MIA2: variants seen among roughly 807,000 people sequenced by gnomAD.
The protein encoded by MIA2 is MIA SH3 domain ER export factor 2, also known as melanoma inhibitory activity protein 2.
A neutral mutation model predicts 167.8 loss-of-function variants in MIA2; 127 were observed. That is an observed-to-expected ratio of 0.76 (90% CI 0.66 to 0.88). The LOEUF is 0.88. Ranked by LOEUF, MIA2 falls within the 40% of genes least tolerant of loss-of-function variation. The probability of loss-of-function intolerance (pLI) is 0.00; values close to 1 mark genes in which losing one functional copy is unlikely to be tolerated. For synonymous variants in MIA2, 552 were observed against 541.9 expected, an observed-to-expected ratio of 1.02 and a Z score of -0.26; for missense variants, 1,690 against 1,624.7, an observed-to-expected ratio of 1.04 and a Z score of -0.69.
chr14:39,349,043 ACTAT>A, intron 28 of MIA2, 66 bp downstream of exon 28: 1 of 1,541,344 alleles, frequency 6.5e-7, no homozygotes, highest in Non-Finnish European at 8.9e-7. Context: ...ATTTAATTTT[ACTAT>A]CTGTTAATGT....
At chr14:39,359,731 T>C (rs187518703) in intron 23 of MIA2, among the ~76,000 whole-genome samples, 160 of 152,296 alleles carry the variant, frequency 1.1e-3, no homozygotes, top group African/African-American at 3.6e-3. Context: ...CTTGTGTCCA[T>C]TGATAGATGC....
chr14:39,246,966 G>A lies in MIA2; in HGVS notation c.392G>A (p.Ser131Asn). ...GVSYTFDNED[S>N]ELNGDYGENI... ...AGTTACACATTTGACAATGAAGATA[G>A]TGAATTAAACGGTGATTATGGTGAA... Residue 131 changes from serine (S) to asparagine (N), a missense_variant, in exon 4 of 29, where the codon AGT becomes AAT. Ser to Asn is a conservative substitution (Grantham distance 46). Coordinates refer to ENST00000640607, the MANE Select transcript of MIA2 (RefSeq NM_001329214.4). 2 of 1,537,204 alleles carry A rather than the reference G, an allele frequency of 1.3e-6. No individual in the cohort carries two copies. Among genetic ancestry groups the A allele is most frequent in the South Asian group, 1.3e-5 (1 of 75,938 alleles).
At chr14:39,386,670 A>T in intron 23 of MIA2, 1 of 1,097,582 alleles carries the variant, frequency 9.1e-7, no homozygotes, top group Non-Finnish European at 1.4e-6. Flanking sequence ...CAGATCAAAG[A>T]CCTTCTCATT....
chr14:39,370,539 T>C, intron 23 of MIA2: 2 of 363,434 alleles, frequency 5.5e-6, no homozygotes, highest in East Asian at 8.5e-5. Flanking sequence ...GACTGCGCAG[T>C]TGTAGGATAT....
intron 23 of MIA2, among the ~76,000 whole-genome samples, chr14:39,384,145 C>G (rs534775742): frequency 4.6e-5 from 7 of 152,324 alleles, no homozygotes; most frequent in African/African-American, 1.7e-4. Context: ...GGCAGACTGA[C>G]TCTCTTGTTA....
intron 9 of MIA2, among the ~76,000 whole-genome samples, chr14:39,290,664 C>T (rs1028551632): frequency 3.3e-5 from 5 of 152,176 alleles, no homozygotes; most frequent in Non-Finnish European, 5.9e-5. Context: ...TAAAAATACG[C>T]TCTTTGAGTA....
intron 25 of MIA2, among the ~76,000 whole-genome samples, chr14:39,336,775 C>G (rs1018984976): frequency 2.0e-5 from 3 of 152,094 alleles, no homozygotes; most frequent in African/African-American, 7.2e-5. Context: ...GAGACAGGTT[C>G]TCACTTTGTC....
At chr14:39,238,502 A>G (rs543198205) in intron 2 of MIA2, among the ~76,000 whole-genome samples, 1 of 152,262 alleles carries the variant, frequency 6.6e-6, no homozygotes, top group Non-Finnish European at 1.5e-5. Context: ...ATAGAAAAAA[A>G]TAACAGCTTG....
At chr14:39,306,592 A>T (rs879148480) in intron 17 of MIA2, among the ~76,000 whole-genome samples, 2 of 152,230 alleles carry the variant, frequency 1.3e-5, no homozygotes, top group South Asian at 4.1e-4. Context: ...TTACAATTCA[A>T]CATGAAAGTT....
chr14:39,262,529 T>G lies in MIA2; in HGVS notation c.1887+9358T>G, dbSNP rs138721706. On this transcript the variant is annotated intron_variant, in intron 6 of 28. Transcript: ENST00000640607. ...TTTTGGTTCCATATGAACTTTAAAGTAGTTTTTTCCAATTCTGTGAAGGAA... is the reference window on the plus strand; with the variant it reads ...TTTTGGTTCCATATGAACTTTAAAGGAGTTTTTTCCAATTCTGTGAAGGAA... Among the ~76,000 whole-genome samples, 1,206 of 152,298 alleles carry G rather than the reference T, an allele frequency of 7.9e-3. 12 individuals are homozygous for G. Among genetic ancestry groups the G allele is most frequent in the South Asian group, 0.016 (75 of 4,832 alleles).
At chr14:39,339,613 A>T (rs548227091) in intron 25 of MIA2, among the ~76,000 whole-genome samples, 1 of 152,194 alleles carries the variant, frequency 6.6e-6, no homozygotes, top group Non-Finnish European at 1.5e-5. Flanking sequence ...ATGTATTTCA[A>T]TGATGAGTTA....
rs764656720 is a variant in MIA2, at chr14:39,252,730, CT to C, written c.1568-13del. On this transcript the variant is annotated splice_polypyrimidine_tract_variant and intron_variant, in intron 4 of 28. Coordinates refer to ENST00000640607, the MANE Select transcript of MIA2 (RefSeq NM_001329214.4). ...GCAAGTATTTTGGAAAAACACATTTCTTTTTATTTATTTGTAGATATGGTCT... is the reference window on the plus strand; with the variant it reads ...GCAAGTATTTTGGAAAAACACATTTCTTTTATTTATTTGTAGATATGGTCT... The C allele has an allele frequency of 3.6e-5, 56 of 1,573,112 alleles. No individual in the cohort carries two copies. Among genetic ancestry groups the C allele is most frequent in the Non-Finnish European group, 4.9e-5 (56 of 1,154,150 alleles).
chr14:39,266,683 C>T, intron 6 of MIA2: 1 of 985,616 alleles, frequency 1.0e-6, no homozygotes, highest in Non-Finnish European at 1.2e-6. Context: ...ATTTTTCTGA[C>T]TGGAATGACG....
intron 21 of MIA2, among the ~76,000 whole-genome samples, chr14:39,315,987 G>A (rs1361154772): frequency 6.6e-6 from 1 of 152,150 alleles, no homozygotes; most frequent in Non-Finnish European, 1.5e-5. Context: ...AATGTTCATG[G>A]ACTGATTGTT....
intron 9 of MIA2, among the ~76,000 whole-genome samples, chr14:39,281,779 G>A (rs1366233962): frequency 6.6e-6 from 1 of 151,638 alleles, no homozygotes. Flanking sequence ...ACGCTGCCAC[G>A]CCTGGCTAAT....
rs569726371 is a variant in MIA2, at chr14:39,349,766, C to T, written c.4073-332C>T. On this transcript the variant is annotated intron_variant, in intron 28 of 28. Transcript: ENST00000640607. Reference sequence around the variant, plus strand: ...TTTAAGTTTGTTGAAAATTATATTACATGCAGATGTTTTTTGAGGACTTTG... The same window carrying T: ...TTTAAGTTTGTTGAAAATTATATTATATGCAGATGTTTTTTGAGGACTTTG... Among the ~76,000 whole-genome samples the T allele has an allele frequency of 4.6e-5, 7 of 152,182 alleles. No individual in the cohort carries two copies. The South Asian group carries it at 8.3e-4, about 18-fold the overall frequency.
Position 39,386,436 on chromosome 14 carries a change from C to A in MIA2, c.2249-449C>A, listed in dbSNP as rs575633311. ...TTAACAAGGCTGTTTCTAGCAGAACCTTTTGGAGAACTACATCTCTGATTG... is the reference window on the plus strand; with the variant it reads ...TTAACAAGGCTGTTTCTAGCAGAACATTTTGGAGAACTACATCTCTGATTG... On this transcript the variant is annotated intron_variant, in intron 23 of 23. Coordinates refer to the MIA2 transcript ENST00000341502. 4.5e-5 allele frequency: 69 copies of A among 1,549,664 alleles called. No homozygotes were observed. The South Asian group carries it at 6.9e-4, about 16-fold the overall frequency.
chr14:39,247,672 C>T lies in MIA2; in HGVS notation c.1098C>T (p.Ile366=). The change falls in exon 4 of 29, where the codon ATC becomes ATT. Residue 366 remains isoleucine, a synonymous_variant. Transcript: ENST00000640607. The part of the protein sequence containing the change: ...TEILTEKKDT[I]TNDSLSLKPS... The stretch of plus-strand genomic sequence containing the variant: ...TATTAACAGAAAAAAAAGACACAAT[C>T]ACTAATGATAGCTTGAGTCTCAAGC... 2 of 1,611,048 alleles carry T rather than the reference C, an allele frequency of 1.2e-6. No homozygotes were observed. The highest frequency in any genetic ancestry group is 3.4e-5 in the Admixed American group (2 of 59,270).
intron 6 of MIA2, among the ~76,000 whole-genome samples, chr14:39,275,175 A>AGTGTGTGTGTGT (rs1555356515): frequency 4.1e-5 from 1 of 24,662 alleles, no homozygotes; most frequent in African/African-American, 1.0e-4. Flanking sequence ...GTCAGAGTCC[A>AGTGTGTGTGTGT]GTTTTGTTTT....
Sources: allele counts gnomAD v4.1 joint callset (sites outside exome capture counted in the v4.1 genomes callset), GRCh38; gene constraint gnomAD v4.1.1; transcripts MANE v1.5; gene names NCBI Gene and HGNC (gene_info 2026-07-23, HGNC 2026-07-21).